The following TMEM63A variants were observed in gnomAD, a reference collection of about 807,000 sequenced individuals.
TMEM63A encodes mechanosensitive cation channel TMEM63A.
TMEM63A carries 76 observed loss-of-function variants against 100.6 expected under a neutral mutation model. The observed-to-expected ratio is 0.76, with a 90% CI of 0.63 to 0.91. TMEM63A has a LOEUF of 0.91. TMEM63A is among the 40% of genes least tolerant of loss of function. The pLI is 0.00. For missense variants in TMEM63A, 876 were observed against 1,008.8 expected (o/e 0.87, Z 1.78); for synonymous variants, 401 against 401.1 (o/e 1.00, Z 0.00).
intron 21 of TMEM63A, 28 bp downstream of exon 21, chr1:225,849,884 C>A: frequency 6.2e-7 from 1 of 1,609,188 alleles, no homozygotes; most frequent in African/African-American, 1.3e-5. Flanking sequence ...AGGCCAAGGG[C>A]TGGCCCCAGG....
Position 225,849,917 on chromosome 1 carries a change from C to T in TMEM63A, c.2066G>A (p.Arg689His). Residue 689 changes from arginine (R) to histidine (H), a missense_variant, in exon 21 of 25, where the codon CGC becomes CAC. Arg to His is a conservative substitution (Grantham distance 29). Around this residue, in one of 5 missense-constraint regions of TMEM63A, gnomAD observed 339 missense variants for 342.3 expected, o/e 0.99. Transcript: ENST00000366835. The stretch of plus-strand genomic sequence containing the variant: ...AGGTCAGAAGGGCTGCTCACCCAGG[C>T]GCAGGAAGGAAAAGAAGTAGAGCCA... ...LFWLYFFSFL[R>H]LGMKAPATLF... The T allele has an allele frequency of 6.2e-6, 10 of 1,613,664 alleles. No homozygotes were observed. Among genetic ancestry groups the T allele is most frequent in the Non-Finnish European group, 8.5e-6 (10 of 1,179,850 alleles).
downstream of TMEM63A, chr1:225,844,614 A>G (rs1559027956): frequency 6.2e-7 from 1 of 1,614,096 alleles, no homozygotes; most frequent in Non-Finnish European, 8.5e-7. Context: ...ATGACCCAGA[A>G]GCATGAGCGG....
intron 3 of TMEM63A, among the ~76,000 whole-genome samples, chr1:225,874,697 G>A (rs755937965): frequency 1.3e-5 from 2 of 152,232 alleles, no homozygotes; most frequent in Admixed American, 6.5e-5. Flanking sequence ...GCCCAGTCTC[G>A]GGCCCTGCTC....
At chr1:225,845,527 C>A, downstream of TMEM63A, 2 of 636,768 alleles carry the variant, frequency 3.1e-6, no homozygotes, top group Non-Finnish European at 2.7e-6. Context: ...GTGTGGTAAG[C>A]AACATGGCTT....
chr1:225,844,270 G>T (rs1668708857), downstream of TMEM63A, among the ~76,000 whole-genome samples: 1 of 151,644 alleles, frequency 6.6e-6, no homozygotes, highest in South Asian at 2.1e-4. Context: ...AAGGTGGGTG[G>T]GGGGAGGACC....
chr1:225,844,738 G>A, downstream of TMEM63A: 2 of 1,502,322 alleles, frequency 1.3e-6, no homozygotes. Context: ...TTGCCTGCAG[G>A]TGCCCCAGGG....
rs954558064 is a variant in TMEM63A at position 225,861,054 on chromosome 1, T to C, written c.1086-57A>G. ...GGCTACTCAGGTTACCAAGCACACA[T>C]GTGGCAAGTGGGGACTGAGTAGGAG... is the stretch of plus-strand genomic sequence containing the variant. On this transcript the variant is annotated intron_variant, in intron 13 of 24. Coordinates refer to ENST00000366835, the MANE Select transcript of TMEM63A (RefSeq NM_014698.3). 5 of 1,558,208 alleles carry C rather than the reference T, an allele frequency of 3.2e-6. No individual in the cohort carries two copies. In the African/African-American group the frequency reaches 4.1e-5, roughly 13 times the overall value.
At chr1:225,844,672 G>C, downstream of TMEM63A, 2 of 1,610,048 alleles carry the variant, frequency 1.2e-6, no homozygotes, top group Non-Finnish European at 1.7e-6. Flanking sequence ...TGGAGGCAGG[G>C]GGACGGCCAG....
chr1:225,858,402 T>TGCAAC (rs1374476270), intron 15 of TMEM63A, among the ~76,000 whole-genome samples: 3 of 149,048 alleles, frequency 2.0e-5, no homozygotes, highest in African/African-American at 7.4e-5. Context: ...CTCGGCTTAC[T>TGCAAC]GCAACCTCCA....
At chr1:225,882,009 G>A (rs1241571172) in intron 1 of TMEM63A, among the ~76,000 whole-genome samples, 1 of 152,204 alleles carries the variant, frequency 6.6e-6, no homozygotes, top group Non-Finnish European at 1.5e-5. Context: ...GGACTCCGCC[G>A]ACAAATCCCA....
intron 3 of TMEM63A, among the ~76,000 whole-genome samples, chr1:225,876,349 G>A (rs893398245): frequency 1.2e-4 from 18 of 150,624 alleles, no homozygotes; most frequent in Non-Finnish European, 2.1e-4. Context: ...TTCCCCACCC[G>A]AGCCTAGTCT....
At chr1:225,859,512 G>A in intron 14 of TMEM63A, 163 bp from the exon 15 acceptor site, 1 of 801,844 alleles carries the variant, frequency 1.2e-6, no homozygotes, top group South Asian at 1.9e-5. Context: ...GTCCCCAAGA[G>A]CTCAGAGGGA....
At chr1:225,861,032 T>A in intron 13 of TMEM63A, 35 bp from the exon 14 acceptor site, 2 of 1,566,484 alleles carry the variant, frequency 1.3e-6, no homozygotes, top group South Asian at 2.3e-5. Flanking sequence ...AGGCCCAGGC[T>A]ACTCAGGTTA....
chr1:225,868,190 C>T (rs1344164826), intron 6 of TMEM63A, among the ~76,000 whole-genome samples, 160 bp from the exon 7 acceptor site: 1 of 152,128 alleles, frequency 6.6e-6, no homozygotes, highest in Non-Finnish European at 1.5e-5. Context: ...AGGAAATTTG[C>T]ATAACTTTCA....
chr1:225,866,676 G>A lies in TMEM63A; in HGVS notation c.573C>T (p.Asp191=). Residue 191 remains aspartate (D), a synonymous_variant, in exon 9 of 25, where the codon GAC becomes GAT. Transcript: ENST00000366835. ...TTIANLQTDN[D]LLWLHTIFAV... is the part of the protein sequence containing the mutation. ...CAAAGATGGTGTGCAGCCAAAGGAG[G>A]TCATTGCTGAGAGGGAAACCACCTG... 2 of 1,614,060 alleles carry A rather than the reference G, an allele frequency of 1.2e-6. No individual in the cohort carries two copies. The highest frequency in any genetic ancestry group is 2.2e-5 in the South Asian group (2 of 91,070).
In TMEM63A at chr1:225,848,529, CCTTT is replaced by C. The variant is rs1293033981; in HGVS notation, c.2209_2212del (p.Lys737GlufsTer20). 5.6e-6 allele frequency: 9 copies of C among 1,614,034 alleles called. No homozygotes were observed. The highest frequency in any genetic ancestry group is 1.6e-4 in the Middle Eastern group (1 of 6,084). On this transcript the variant is annotated frameshift_variant, in exon 23 of 25. Coordinates refer to ENST00000366835, the MANE Select transcript of TMEM63A (RefSeq NM_014698.3). LOFTEE classifies it high-confidence loss of function. ...GGGCATGTGGGCCTCTGCCTCACTTCCTTTGTCACTTGCAGGCTCTTCTGTCTGC... is the reference window on the plus strand; with the variant it reads ...GGGCATGTGGGCCTCTGCCTCACTTCGTCACTTGCAGGCTCTTCTGTCTGC...
intron 16 of TMEM63A, 49 bp downstream of exon 16, chr1:225,856,862 C>A: frequency 6.3e-7 from 1 of 1,594,038 alleles, no homozygotes; most frequent in South Asian, 1.1e-5. Flanking sequence ...AGGGAGCGGT[C>A]AGAGATATCC....
At chr1:225,872,116 G>T in intron 4 of TMEM63A, 63 bp from the exon 5 acceptor site, 2 of 1,276,486 alleles carry the variant, frequency 1.6e-6, no homozygotes, top group Non-Finnish European at 1.1e-6. Flanking sequence ...AGCCAAACAA[G>T]TCAAAAAGAT....
At position 225,862,651 on chromosome 1, in the gene TMEM63A, C is replaced by G; in HGVS notation, c.828-73G>C. 1 of 1,601,890 alleles carries G rather than the reference C, an allele frequency of 6.2e-7. No homozygotes were observed. The highest frequency in any genetic ancestry group is 1.3e-5 in the African/African-American group (1 of 74,782). ...GGCAGGGACCCCCATACCCACAGTT[C>G]AACCATCGAACGCCAGGGGAGAAGG... On this transcript the variant is annotated intron_variant, in intron 11 of 24. Coordinates refer to ENST00000366835, the MANE Select transcript of TMEM63A (RefSeq NM_014698.3). This position sits in a 1 kb window ranked among gnomAD's most constrained non-coding sequence, Gnocchi z 5.1.
Sources: gnomAD v4.1 joint callset for allele counts (sites outside exome capture counted in the v4.1 genomes callset) on GRCh38, gnomAD v4.1.1 for gene constraint, gnomAD v4.1.1 regional missense constraint, Gnocchi (gnomAD v3.1) non-coding constraint, MANE v1.5 for transcripts, NCBI Gene and HGNC (gene_info 2026-07-23, HGNC 2026-07-21) for gene names.